UTP20: variants seen among roughly 807,000 people sequenced by gnomAD.
The protein encoded by UTP20 is small subunit processome component 20 homolog.
In UTP20, 164 loss-of-function variants were observed where a neutral mutation model predicts 329.5. The observed-to-expected ratio is 0.50, with a 90% CI of 0.44 to 0.57. UTP20 has a LOEUF of 0.57. UTP20 is among the 20% of genes least tolerant of loss of function. The probability of loss-of-function intolerance (pLI) is 0.00; values close to 1 mark genes in which losing one functional copy is unlikely to be tolerated. For missense variants in UTP20, 3,055 were observed against 3,284.2 expected (o/e 0.93, Z 1.71); for synonymous variants, 1,151 against 1,159.3 (o/e 0.99, Z 0.14).
At chr12:101,374,001 C>T (rs1174699212) in intron 54 of UTP20, among the ~76,000 whole-genome samples, 1 of 151,940 alleles carries the variant, frequency 6.6e-6, no homozygotes, top group East Asian at 1.9e-4. Flanking sequence ...TTTGGGAGGC[C>T]GAGGCGGGCG....
At chr12:101,351,165 C>T (rs1242637345) in intron 38 of UTP20, among the ~76,000 whole-genome samples, 4 of 150,820 alleles carry the variant, frequency 2.7e-5, no homozygotes, top group African/African-American at 9.8e-5. Flanking sequence ...CTCACTCTGT[C>T]GCCTAGGGTG....
At chr12:101,280,536 G>A (rs1871762180) in intron 1 of UTP20, among the ~76,000 whole-genome samples, 1 of 152,224 alleles carries the variant, frequency 6.6e-6, no homozygotes, top group South Asian at 2.1e-4. Flanking sequence ...CATGTTTTAT[G>A]GGGTCTGGCC....
intron 15 of UTP20, among the ~76,000 whole-genome samples, chr12:101,303,378 T>C (rs1403247579): frequency 6.6e-6 from 1 of 152,132 alleles, no homozygotes; most frequent in African/African-American, 2.4e-5. Context: ...GGTCAGGAGA[T>C]AGGGAGAGTC....
At chr12:101,375,490 G>A in intron 55 of UTP20, 134 bp from the exon 56 acceptor site, 1 of 825,766 alleles carries the variant, frequency 1.2e-6, no homozygotes, top group Non-Finnish European at 1.9e-6. Context: ...CCACAGGAAA[G>A]GATCATCTGG....
chr12:101,308,049 A>G, intron 17 of UTP20, 136 bp from the exon 18 acceptor site: 1 of 755,052 alleles, frequency 1.3e-6, no homozygotes, highest in Non-Finnish European at 1.9e-6. Flanking sequence ...ACCAAAAAAA[A>G]AAGTGTTACT....
chr12:101,368,460 A>G (rs893757462), intron 48 of UTP20, among the ~76,000 whole-genome samples: 2 of 152,142 alleles, frequency 1.3e-5, no homozygotes, highest in South Asian at 4.1e-4. Flanking sequence ...AAAGAGATTT[A>G]TGACATCGTG....
intron 25 of UTP20, among the ~76,000 whole-genome samples, chr12:101,322,270 G>A (rs772710065): frequency 2.7e-4 from 41 of 152,150 alleles, no homozygotes; most frequent in Admixed American, 7.9e-4. Context: ...GATTACAGGC[G>A]TGAGCCACTG....
rs1350119529 is a variant in UTP20, at chr12:101,309,835, A to G, written c.2227A>G (p.Ile743Val). The G allele has an allele frequency of 1.9e-6, 3 of 1,613,144 alleles. No homozygotes were observed. Among genetic ancestry groups the G allele is most frequent in the Non-Finnish European group, 2.5e-6 (3 of 1,179,676 alleles). Reference protein sequence around the residue: ...SALWDPVIELISSHAHEMENK... With the variant: ...SALWDPVIELVSSHAHEMENK... ...ACTCTGGGATCCTGTTATTGAACTC[A>G]TAAGGTAAACATGGGTTAAATGGGA... Residue 743 changes from isoleucine (I) to valine (V), a missense_variant, in exon 19 of 62, where the codon ATA becomes GTA. Ile to Val is a conservative substitution (Grantham distance 29, BLOSUM62 3). Transcript: ENST00000261637.
intron 25 of UTP20, among the ~76,000 whole-genome samples, chr12:101,324,649 T>C (rs899625143): frequency 2.6e-5 from 4 of 152,220 alleles, no homozygotes; most frequent in African/African-American, 9.6e-5. Flanking sequence ...TACATTAATC[T>C]GCCTTGTTCC....
At chr12:101,303,369 G>T (rs896669309) in intron 15 of UTP20, among the ~76,000 whole-genome samples, 1 of 152,192 alleles carries the variant, frequency 6.6e-6, no homozygotes, top group African/African-American at 2.4e-5. Flanking sequence ...ACAAAGCAGG[G>T]TCAGGAGATA....
At chr12:101,347,756 T>C (rs574662270) in intron 38 of UTP20, among the ~76,000 whole-genome samples, 2 of 152,332 alleles carry the variant, frequency 1.3e-5, no homozygotes, top group African/African-American at 4.8e-5. Context: ...CCTAACTGTT[T>C]GATGCCATTG....
At chr12:101,333,239 G>T in intron 27 of UTP20, 62 bp from the exon 28 acceptor site, 1 of 1,531,382 alleles carries the variant, frequency 6.5e-7, no homozygotes, top group Non-Finnish European at 8.9e-7. Flanking sequence ...GTGCCTCTCT[G>T]AGGAATCAGG....
intron 55 of UTP20, 87 bp downstream of exon 55, chr12:101,375,026 G>A: frequency 4.5e-6 from 4 of 888,160 alleles, no homozygotes; most frequent in Non-Finnish European, 7.0e-6. Flanking sequence ...TCAGCTTATA[G>A]GTTAAATATT....
chr12:101,376,723 T>G (rs1022091614), intron 56 of UTP20, among the ~76,000 whole-genome samples: 1 of 152,172 alleles, frequency 6.6e-6, no homozygotes, highest in African/African-American at 2.4e-5. Context: ...CTCAGCACAC[T>G]GCAACCTCCT....
At chr12:101,313,896 A>T (rs1035891138) in intron 21 of UTP20, among the ~76,000 whole-genome samples, 3 of 152,182 alleles carry the variant, frequency 2.0e-5, no homozygotes, top group African/African-American at 4.8e-5. Flanking sequence ...TAGATGTTTT[A>T]AGTTTAGGAC....
At chr12:101,295,031 G>C (rs1327170617) in intron 11 of UTP20, among the ~76,000 whole-genome samples, 1 of 152,148 alleles carries the variant, frequency 6.6e-6, no homozygotes, top group South Asian at 2.1e-4. Context: ...CCTGGAGCAA[G>C]TCCAGTCTAA....
chr12:101,286,791 A>G (rs984581880), intron 5 of UTP20, among the ~76,000 whole-genome samples: 15 of 151,374 alleles, frequency 9.9e-5, no homozygotes, highest in African/African-American at 3.2e-4. Context: ...AAAATTTTGT[A>G]CTCTCTATCC....
At chr12:101,373,018 T>C (rs1240253259) in intron 52 of UTP20, 55 bp downstream of exon 52, 1 of 1,442,368 alleles carries the variant, frequency 6.9e-7, no homozygotes, top group Non-Finnish European at 9.8e-7. Context: ...TCTTTCCCTT[T>C]AACATGGCGG....
intron 56 of UTP20, 29 bp from the exon 57 acceptor site, chr12:101,379,342 C>T: frequency 6.4e-7 from 1 of 1,557,402 alleles, no homozygotes; most frequent in Non-Finnish European, 8.7e-7. Context: ...GGCCATGTGA[C>T]ATCCACAAAT....
Sources: allele counts gnomAD v4.1 joint callset (sites outside exome capture counted in the v4.1 genomes callset), GRCh38; gene constraint gnomAD v4.1.1; transcripts MANE v1.5; gene names NCBI Gene and HGNC (gene_info 2026-07-23, HGNC 2026-07-21).